TACC1: variants seen among roughly 807,000 people sequenced by gnomAD.
The protein encoded by TACC1 is transforming acidic coiled-coil containing protein 1.
In TACC1, 48 loss-of-function variants were observed where a neutral mutation model predicts 84.4. The observed-to-expected ratio is 0.57, with a 90% CI of 0.45 to 0.72. TACC1 has a LOEUF of 0.72. Among genes scored for constraint, TACC1 ranks in the 30% least tolerant of loss-of-function variants. The probability of loss-of-function intolerance (pLI) is 0.00; values close to 1 mark genes in which losing one functional copy is unlikely to be tolerated. For synonymous variants in TACC1, 372 were observed against 376.3 expected, an observed-to-expected ratio of 0.99 and a Z score of 0.13; for missense variants, 920 against 973.0, an observed-to-expected ratio of 0.95 and a Z score of 0.72.
chr8:38,797,155 A>T (rs1820200817), intron 2 of TACC1, among the ~76,000 whole-genome samples: 1 of 152,262 alleles, frequency 6.6e-6, no homozygotes, highest in African/African-American at 2.4e-5. Flanking sequence ...TGGCTGCCCC[A>T]GAGTGAGTGA....
intron 2 of TACC1, among the ~76,000 whole-genome samples, chr8:38,800,360 A>G (rs1355019582): frequency 6.6e-6 from 1 of 152,226 alleles, no homozygotes; most frequent in East Asian, 1.9e-4. Context: ...TAATTTTTAG[A>G]ACATTTTATC....
upstream of TACC1, among the ~76,000 whole-genome samples, chr8:38,786,934 T>A (rs1270792934): frequency 6.6e-6 from 1 of 151,140 alleles, no homozygotes; most frequent in Non-Finnish European, 1.5e-5. Context: ...TAAAAAGGAA[T>A]AAGGAAAGAG....
chr8:38,820,476 C>A lies in TACC1; in HGVS notation c.1232C>A (p.Ser411Tyr). ...SVLQNSPPLS[S>Y]EGSYHFDPDN... The stretch of plus-strand genomic sequence containing the variant: ...CTGCAGAACTCCCCACCCCTCTCTT[C>A]TGAGGGCTCCTACCACTTTGACCCA... The change falls in exon 3 of 13, where the codon TCT (serine) becomes TAT (tyrosine). Residue 411 changes from serine (S) to tyrosine (Y), a missense_variant. Around this residue, in one of 2 missense-constraint regions of TACC1, gnomAD observed 762 missense variants for 747.3 expected, o/e 1.02. Transcript: ENST00000317827. 6.2e-7 allele frequency: 1 copy of A among 1,614,224 alleles called. No homozygotes were observed. Among genetic ancestry groups the A allele is most frequent in the Non-Finnish European group, 8.5e-7 (1 of 1,180,032 alleles).
At chr8:38,821,066 G>A (rs756244045) in intron 3 of TACC1, among the ~76,000 whole-genome samples, 2 of 151,962 alleles carry the variant, frequency 1.3e-5, no homozygotes, top group Non-Finnish European at 2.9e-5. Flanking sequence ...TTAGCTGGGC[G>A]TGGTGGTGCA....
At chr8:38,778,491 T>C (rs985468923) in intron 3 of TACC1, among the ~76,000 whole-genome samples, 48 of 152,206 alleles carry the variant, frequency 3.2e-4, no homozygotes, top group Non-Finnish European at 1.5e-4. Flanking sequence ...TGAGGCCAGC[T>C]GAACCACTCC....
intron 3 of TACC1, among the ~76,000 whole-genome samples, chr8:38,746,767 G>T (rs537755960): frequency 1.3e-5 from 2 of 152,250 alleles, no homozygotes; most frequent in African/African-American, 4.8e-5. Flanking sequence ...AAAAGTTAAG[G>T]TTGAATTTTG....
Position 38,820,431 on chromosome 8 carries a change from C to G in TACC1, c.1187C>G (p.Pro396Arg), listed in dbSNP as rs769672601. The change falls in exon 3 of 13, where the codon CCC becomes CGC. Residue 396 changes from proline (P) to arginine (R), a missense_variant. Physicochemically the swap from Pro to Arg is moderately radical, Grantham distance 103. Around this residue, in one of 2 missense-constraint regions of TACC1, gnomAD observed 762 missense variants for 747.3 expected, o/e 1.02. Coordinates refer to ENST00000317827, the MANE Select transcript of TACC1 (RefSeq NM_006283.3). Reference protein sequence around the residue: ...PSQWESPSFNPFGSHSVLQNS... With the variant: ...PSQWESPSFNRFGSHSVLQNS... ...CAGTGGGAAAGCCCCAGCTTCAACCCCTTTGGGAGCCACTCTGTTCTGCAG... is the reference window on the plus strand; with the variant it reads ...CAGTGGGAAAGCCCCAGCTTCAACCGCTTTGGGAGCCACTCTGTTCTGCAG... The G allele has an allele frequency of 6.2e-7, 1 of 1,614,196 alleles. No individual in the cohort carries two copies. Among genetic ancestry groups the G allele is most frequent in the South Asian group, 1.1e-5 (1 of 91,084 alleles).
At chr8:38,784,089 G>GCTAGAGTGTTC (rs1451721994), upstream of TACC1, among the ~76,000 whole-genome samples, 1 of 152,212 alleles carries the variant, frequency 6.6e-6, no homozygotes, top group Non-Finnish European at 1.5e-5. Context: ...CACTGACAGG[G>GCTAGAGTGTTC]CTAGAGTGTT....
In TACC1 at chr8:38,819,917, A is replaced by G. The variant is rs745844167; in HGVS notation, c.673A>G (p.Ser225Gly). Reference protein sequence around the residue: ...AGNSCPELVPSRRSKLRKPKP... With the variant: ...AGNSCPELVPGRRSKLRKPKP... ...CAACTCCTGTCCAGAGCTTGTGCCC[A>G]GCAGAAGAAGCAAGCTGAGAAAGCC... Residue 225 changes from serine to glycine, a missense_variant, in exon 3 of 13, where the codon AGC (serine) becomes GGC (glycine). Around this residue, in one of 2 missense-constraint regions of TACC1, gnomAD observed 762 missense variants for 747.3 expected, o/e 1.02. Transcript: ENST00000317827. 2 of 1,614,136 alleles carry G rather than the reference A, an allele frequency of 1.2e-6. No homozygotes were observed. Among genetic ancestry groups the G allele is most frequent in the Non-Finnish European group, 1.7e-6 (2 of 1,180,034 alleles).
intron 2 of TACC1, among the ~76,000 whole-genome samples, chr8:38,816,235 G>C (rs1825414570): frequency 6.6e-6 from 1 of 152,080 alleles, no homozygotes; most frequent in South Asian, 2.1e-4. Flanking sequence ...TACATAAAGT[G>C]GTTCCTCATG....
rs138603973 is a variant in TACC1 at position 38,817,584 on chromosome 8, A to G, written c.278-1938A>G. On this transcript the variant is annotated intron_variant, in intron 2 of 12. Coordinates refer to ENST00000317827, the MANE Select transcript of TACC1 (RefSeq NM_006283.3). ...CTCTTTTTTAAAAAATCCTTTTGAA[A>G]TATGTTAAACCAAATTCTGATTATG... Among the ~76,000 whole-genome samples the G allele has an allele frequency of 3.1e-3, 478 of 152,318 alleles. 3 individuals carry two copies. Among genetic ancestry groups the G allele is most frequent in the African/African-American group, 0.011 (458 of 41,562 alleles).
chr8:38,844,187 T>A (rs1429012872), intron 11 of TACC1, among the ~76,000 whole-genome samples: 2 of 152,112 alleles, frequency 1.3e-5, no homozygotes, highest in East Asian at 1.9e-4. Flanking sequence ...TATTATTATT[T>A]TTTGAGACGG....
intron 3 of TACC1, among the ~76,000 whole-genome samples, chr8:38,749,602 T>G (rs920172862): frequency 2.0e-5 from 3 of 151,660 alleles, no homozygotes; most frequent in African/African-American, 4.8e-5. Flanking sequence ...GTTTTTTGGG[T>G]TTTTTTTGAG....
In TACC1 at chr8:38,819,666, A is replaced by G. The variant is rs774112888; in HGVS notation, c.422A>G (p.His141Arg). ...AAGAATTTCAGAGAAGAACCTGAAC[A>G]TGATTTTAGCAAAATTTCCATCGTG... is the stretch of plus-strand genomic sequence containing the variant. ...SVKNFREEPE[H>R]DFSKISIVRP... is the part of the protein sequence containing the mutation. Residue 141 changes from histidine (H) to arginine (R), a missense_variant, in exon 3 of 13, where the codon CAT becomes CGT. By Grantham distance (29) the His-to-Arg change is conservative. Transcript: ENST00000317827. 28 of 1,614,136 alleles carry G rather than the reference A, an allele frequency of 1.7e-5. No individual in the cohort carries two copies. In the South Asian group the frequency reaches 2.3e-4, roughly 13 times the overall value.
intron 3 of TACC1, among the ~76,000 whole-genome samples, chr8:38,759,174 G>A (rs72636135): frequency 0.11 from 17,453 of 152,208 alleles, 1,156 homozygotes; most frequent in East Asian, 0.17. Context: ...GCTCCTTAAT[G>A]CTGGAGATCT....
upstream of TACC1, among the ~76,000 whole-genome samples, chr8:38,786,991 C>A (rs1360627943): frequency 1.3e-5 from 2 of 151,872 alleles, no homozygotes; most frequent in East Asian, 3.9e-4. Flanking sequence ...TCCTCTGCCC[C>A]GGACGCCGGC....
chr8:38,823,995 C>T (rs1380532303), intron 3 of TACC1: 3 of 1,352,054 alleles, frequency 2.2e-6, no homozygotes, highest in Admixed American at 1.9e-5. Context: ...ATCAGGACTA[C>T]TGAACAAGTG....
chr8:38,731,263 G>A (rs1290093100), intron 1 of TACC1, among the ~76,000 whole-genome samples: 4 of 152,156 alleles, frequency 2.6e-5, no homozygotes, highest in Non-Finnish European at 4.4e-5. Context: ...CAATGGGAAA[G>A]TGCCAGGCTC....
rs1416259056 is a variant in TACC1, at chr8:38,838,527, C to G, written c.1897C>G (p.Gln633Glu). The G allele has an allele frequency of 1.9e-6, 3 of 1,613,676 alleles. No homozygotes were observed. The African/African-American group carries it at 4.0e-5, about 22-fold the overall frequency. ...EWKKKYEETR[Q>E]EVLEMRKIVA... Reference sequence around the variant, plus strand: ...GAAGAAGAAATACGAAGAGACCCGGCAAGAAGTTTTGGAGATGAGGTTAGA... The same window carrying G: ...GAAGAAGAAATACGAAGAGACCCGGGAAGAAGTTTTGGAGATGAGGTTAGA... Residue 633 changes from glutamine (Q) to glutamate (E), a missense_variant, in exon 8 of 13, where the codon CAA (glutamine) becomes GAA (glutamate). Gln to Glu is a conservative substitution (Grantham distance 29, BLOSUM62 2). This residue lies in a region of TACC1 where 158 missense variants were observed against 225.6 expected (regional missense o/e 0.70). Coordinates refer to ENST00000317827, the MANE Select transcript of TACC1 (RefSeq NM_006283.3).
Sources: gnomAD v4.1 joint callset for allele counts (sites outside exome capture counted in the v4.1 genomes callset) on GRCh38, gnomAD v4.1.1 for gene constraint, gnomAD v4.1.1 regional missense constraint, MANE v1.5 for transcripts, NCBI Gene and HGNC (gene_info 2026-07-23, HGNC 2026-07-21) for gene names.